The following FOXRED1 variants were observed in gnomAD, a reference collection of about 807,000 sequenced individuals.
The protein encoded by FOXRED1 is FAD-dependent oxidoreductase domain-containing protein 1.
Under a neutral mutation model 57.8 loss-of-function variants are expected in FOXRED1, and 52 were observed. The observed-to-expected ratio is 0.90, with a 90% CI of 0.72 to 1.13. The LOEUF (loss-of-function observed/expected upper bound fraction) is 1.13, where lower values mean the gene tolerates loss of function less well. FOXRED1 is among the 50% of genes most tolerant of loss of function. The pLI is 0.00. For missense variants in FOXRED1, 589 were observed against 625.2 expected, an observed-to-expected ratio of 0.94 and a Z score of 0.62; for synonymous variants, 271 against 248.3, an observed-to-expected ratio of 1.09 and a Z score of -0.86.
intron 1 of FOXRED1, 179 bp downstream of exon 1, chr11:126,269,470 C>A: frequency 8.1e-7 from 1 of 1,231,670 alleles, no homozygotes; most frequent in Non-Finnish European, 1.2e-6. Flanking sequence ...GCTCCCAAGG[C>A]GGCCCTTTTC....
At position 126,275,235 on chromosome 11, in the gene FOXRED1, A is replaced by G; in HGVS notation, c.632-92A>G. On this transcript the variant is annotated intron_variant, in intron 5 of 10. Transcript: ENST00000263578. The surrounding 1 kb of genome is among the most constrained non-coding windows in gnomAD (Gnocchi z 5.9). ...GTTAAGATGACCTTCCCCGGCTTAC[A>G]AGCCCTAGAGAGGGGTTGGGGGGCA... is the stretch of plus-strand genomic sequence containing the variant. 9.8e-7 allele frequency: 1 copy of G among 1,021,512 alleles called. No individual in the cohort carries two copies. The highest frequency in any genetic ancestry group is 2.4e-5 in the East Asian group (1 of 41,988). 63.3% of individuals were successfully genotyped at this position (1,021,512 alleles called of 1,614,324 possible).
rs965691143 is a variant in FOXRED1 at position 126,269,328 on chromosome 11, G to T, written c.85+37G>T. The T allele has an allele frequency of 3.7e-6, 6 of 1,614,008 alleles. No individual in the cohort carries two copies. The African/African-American group carries it at 4.0e-5, about 11-fold the overall frequency. Reference sequence around the variant, plus strand: ...GACGACAGAGGGTATTGTGGTTCTGGGTTGTCCCCAACCTCCGACTGTGTG... The same window carrying T: ...GACGACAGAGGGTATTGTGGTTCTGTGTTGTCCCCAACCTCCGACTGTGTG... On this transcript the variant is annotated intron_variant, in intron 1 of 10. Transcript: ENST00000263578.
Position 126,271,388 on chromosome 11 carries a change from C to T in FOXRED1, c.86-49C>T. ...TGTGCCCATCCTCCAACCCCCCAACCATGTGGGAAGGAAATGTTTGGCCCT... is the reference window on the plus strand; with the variant it reads ...TGTGCCCATCCTCCAACCCCCCAACTATGTGGGAAGGAAATGTTTGGCCCT... On this transcript the variant is annotated intron_variant, in intron 1 of 10. Transcript: ENST00000263578. This position sits in a 1 kb window ranked among gnomAD's most constrained non-coding sequence, Gnocchi z 5.3. The T allele has an allele frequency of 7.2e-7, 1 of 1,391,716 alleles. No individual in the cohort carries two copies. Among genetic ancestry groups the T allele is most frequent in the Non-Finnish European group, 1.0e-6 (1 of 977,380 alleles). The allele number at this position is 1,391,716 out of a possible 1,614,324, so 86.2% of individuals were successfully genotyped here. A position where few individuals can be genotyped will look rare whatever the true frequency, so the allele number is the denominator to read the frequency against.
Position 126,273,642 on chromosome 11 carries a change from A to G in FOXRED1, c.536+188A>G. 3.1e-6 allele frequency: 2 copies of G among 635,580 alleles called. No homozygotes were observed. The highest frequency in any genetic ancestry group is 1.8e-5 in the African/African-American group (1 of 55,604). The allele number at this position is 635,580 out of a possible 1,614,324, so 39.4% of individuals were successfully genotyped here. ...AGTGCTGTACCACAGATATGGACAA[A>G]ACACTGCGAGGTGCTTCCTAATTTG... On this transcript the variant is annotated intron_variant, in intron 4 of 10. Transcript: ENST00000263578. This position sits in a 1 kb window ranked among gnomAD's most constrained non-coding sequence, Gnocchi z 5.9.
Position 126,277,290 on chromosome 11 carries a change from A to G in FOXRED1, c.1206+115A>G. 2 of 1,235,332 alleles carry G rather than the reference A, an allele frequency of 1.6e-6. No individual in the cohort carries two copies. Among genetic ancestry groups the G allele is most frequent in the Non-Finnish European group, 2.4e-6 (2 of 837,540 alleles). The allele number at this position is 1,235,332 out of a possible 1,614,324, so 76.5% of individuals were successfully genotyped here. A position where few individuals can be genotyped will look rare whatever the true frequency, so the allele number is the denominator to read the frequency against. ...ACTGCCGTAGTCCCTCCATGTCACA[A>G]CTGCTAAGGAATTTCTTGGACACAT... On this transcript the variant is annotated intron_variant, in intron 10 of 10. Coordinates refer to ENST00000263578, the MANE Select transcript of FOXRED1 (RefSeq NM_017547.4). The surrounding 1 kb of genome is among the most constrained non-coding windows in gnomAD (Gnocchi z 6.8).
chr11:126,275,454 C>T lies in FOXRED1; in HGVS notation c.733+26C>T. 1 of 1,476,190 alleles carries T rather than the reference C, an allele frequency of 6.8e-7. No individual in the cohort carries two copies. The highest frequency in any genetic ancestry group is 9.5e-7 in the Non-Finnish European group (1 of 1,053,950). 91.4% of individuals were successfully genotyped at this position (1,476,190 alleles called of 1,614,324 possible). A position where few individuals can be genotyped will look rare whatever the true frequency, so the allele number is the denominator to read the frequency against. On this transcript the variant is annotated intron_variant, in intron 6 of 10. Coordinates refer to ENST00000263578, the MANE Select transcript of FOXRED1 (RefSeq NM_017547.4). The surrounding 1 kb of genome is among the most constrained non-coding windows in gnomAD (Gnocchi z 5.9). ...GTGAGTCTGAGCTTGTTTCCTCTAG[C>T]AACCGGGGCATAGGCCTAGACTAGG...
At chr11:126,276,008 G>T (rs1418213134) in intron 7 of FOXRED1, 51 bp from the exon 8 acceptor site, 4 of 1,609,860 alleles carry the variant, frequency 2.5e-6, no homozygotes, top group Non-Finnish European at 3.4e-6. Flanking sequence ...CTCTCAGGGT[G>T]CCTGGTGTGT....
At chr11:126,269,314 G>T (rs1030594324) in intron 1 of FOXRED1, 23 bp downstream of exon 1, 13 of 1,614,026 alleles carry the variant, frequency 8.1e-6, no homozygotes, top group Non-Finnish European at 1.1e-5. Flanking sequence ...ACGACAGAGG[G>T]TATTGTGGTT....
rs535444721 is a variant in FOXRED1 at position 126,271,554 on chromosome 11, T to G, written c.203T>G (p.Ile68Ser). 2 of 1,614,082 alleles carry G rather than the reference T, an allele frequency of 1.2e-6. No individual in the cohort carries two copies. Among genetic ancestry groups the G allele is most frequent in the Middle Eastern group, 3.3e-4 (2 of 6,084 alleles). ...CCTCCCGAGCACTCGGATGTGGTGA[T>G]CGTGGGAGGTGGGGTGCTTGGCTTG... is the stretch of plus-strand genomic sequence containing the variant. ...HLPPEHSDVV[I>S]VGGGVLGLSV... The change falls in exon 2 of 11, where the codon ATC becomes AGC. Residue 68 changes from isoleucine to serine, a missense_variant. Coordinates refer to ENST00000263578, the MANE Select transcript of FOXRED1 (RefSeq NM_017547.4). This position sits in a 1 kb window ranked among gnomAD's most constrained non-coding sequence, Gnocchi z 5.3.
Position 126,271,514 on chromosome 11 carries a change from G to C in FOXRED1, c.163G>C (p.Asp55His). 6.2e-7 allele frequency: 1 copy of C among 1,614,240 alleles called. No homozygotes were observed. The highest frequency in any genetic ancestry group is 8.5e-7 in the Non-Finnish European group (1 of 1,180,038). The change falls in exon 2 of 11, where the codon GAC becomes CAC. Residue 55 changes from aspartate to histidine, a missense_variant. Coordinates refer to ENST00000263578, the MANE Select transcript of FOXRED1 (RefSeq NM_017547.4). This position sits in a 1 kb window ranked among gnomAD's most constrained non-coding sequence, Gnocchi z 5.3. Reference sequence around the variant, plus strand: ...TGGAAGGTCCTGTGATCTACTGCAAGACACCAGCCACCTGCCTCCCGAGCA... The same window carrying C: ...TGGAAGGTCCTGTGATCTACTGCAACACACCAGCCACCTGCCTCCCGAGCA... The part of the protein sequence containing the change: ...LPGRSCDLLQ[D>H]TSHLPPEHSD...
rs200880952 is a variant in FOXRED1, at chr11:126,275,062, A to G, written c.631+41A>G. 1 of 1,335,192 alleles carries G rather than the reference A, an allele frequency of 7.5e-7. No individual in the cohort carries two copies. Among genetic ancestry groups the G allele is most frequent in the East Asian group, 2.3e-5 (1 of 43,614 alleles). 82.7% of individuals were successfully genotyped at this position (1,335,192 alleles called of 1,614,324 possible). On this transcript the variant is annotated intron_variant, in intron 5 of 10. Coordinates refer to ENST00000263578, the MANE Select transcript of FOXRED1 (RefSeq NM_017547.4). This position sits in a 1 kb window ranked among gnomAD's most constrained non-coding sequence, Gnocchi z 5.9. Reference sequence around the variant, plus strand: ...AGAGGGGACAGCTTTTTTCCTGAAGATGGAGACTAAGGGGTGCTACACGTT... The same window carrying G: ...AGAGGGGACAGCTTTTTTCCTGAAGGTGGAGACTAAGGGGTGCTACACGTT...
intron 1 of FOXRED1, chr11:126,269,515 T>C (rs1395837260): frequency 2.5e-5 from 19 of 770,902 alleles, no homozygotes; most frequent in Non-Finnish European, 4.0e-5. Flanking sequence ...CCATTTAAGC[T>C]TACAGTCAGA....
Position 126,273,028 on chromosome 11 carries a change from T to C in FOXRED1, c.366T>C (p.Pro122=), listed in dbSNP as rs1951032169. 1 of 1,608,466 alleles carries C rather than the reference T, an allele frequency of 6.2e-7. No homozygotes were observed. Among genetic ancestry groups the C allele is most frequent in the African/African-American group, 1.3e-5 (1 of 74,954 alleles). The part of the protein sequence containing the change: ...VGGICQQFSL[P]ENIQLSLFSA... The stretch of plus-strand genomic sequence containing the variant: ...GGATTTGTCAGCAGTTCTCATTGCC[T>C]GAGAACATCCAGCTCTCCCTCTTTT... The change falls in exon 3 of 11, where the codon CCT becomes CCC. Residue 122 remains proline, a synonymous_variant. Coordinates refer to ENST00000263578, the MANE Select transcript of FOXRED1 (RefSeq NM_017547.4). This position sits in a 1 kb window ranked among gnomAD's most constrained non-coding sequence, Gnocchi z 5.9.
In FOXRED1 at chr11:126,275,227, C is replaced by T. The variant is rs530749614; in HGVS notation, c.632-100C>T. On this transcript the variant is annotated intron_variant, in intron 5 of 10. Coordinates refer to ENST00000263578, the MANE Select transcript of FOXRED1 (RefSeq NM_017547.4). The surrounding 1 kb of genome is among the most constrained non-coding windows in gnomAD (Gnocchi z 5.9). The stretch of plus-strand genomic sequence containing the variant: ...TTCAGTTGGTTAAGATGACCTTCCC[C>T]GGCTTACAAGCCCTAGAGAGGGGTT... 5.9e-5 allele frequency: 57 copies of T among 974,306 alleles called. No homozygotes were observed. Among genetic ancestry groups the T allele is most frequent in the South Asian group, 3.8e-4 (29 of 76,304 alleles). 60.4% of individuals were successfully genotyped at this position (974,306 alleles called of 1,614,324 possible). A position where few individuals can be genotyped will look rare whatever the true frequency, so the allele number is the denominator to read the frequency against.
rs1951006737 is a variant in FOXRED1, at chr11:126,272,130, T to C, written c.306+473T>C. Among the ~76,000 whole-genome samples, 1 of 151,726 alleles carries C rather than the reference T, an allele frequency of 6.6e-6. No individual in the cohort carries two copies. Among genetic ancestry groups the C allele is most frequent in the Non-Finnish European group, 1.5e-5 (1 of 67,990 alleles). On this transcript the variant is annotated intron_variant, in intron 2 of 10. Coordinates refer to ENST00000263578, the MANE Select transcript of FOXRED1 (RefSeq NM_017547.4). The surrounding 1 kb of genome is among the most constrained non-coding windows in gnomAD (Gnocchi z 4.6). ...GGACACACCCTGATGCCCAGCTATT[T>C]TTTGTATTTTTAGTAGAGATGAGGT...
Position 126,274,600 on chromosome 11 carries a change from A to T in FOXRED1, c.537-327A>T, listed in dbSNP as rs1011617565. The T allele has an allele frequency of 2.9e-6, 1 of 346,728 alleles. No individual in the cohort carries two copies. Among genetic ancestry groups the T allele is most frequent in the African/African-American group, 2.1e-5 (1 of 46,772 alleles). 21.5% of individuals were successfully genotyped at this position (346,728 alleles called of 1,614,324 possible). A position where few individuals can be genotyped will look rare whatever the true frequency, so the allele number is the denominator to read the frequency against. On this transcript the variant is annotated intron_variant, in intron 4 of 10. Coordinates refer to ENST00000263578, the MANE Select transcript of FOXRED1 (RefSeq NM_017547.4). This position sits in a 1 kb window ranked among gnomAD's most constrained non-coding sequence, Gnocchi z 4.8. ...GAGGAGGAGGTTGCAGTGAGCCAAG[A>T]TCGCGCCACTGCACTCCAGCCTGGG...
rs780345055 is a variant in FOXRED1, at chr11:126,273,331, C to T, written c.418-5C>T. On this transcript the variant is annotated splice_region_variant and splice_polypyrimidine_tract_variant and intron_variant, in intron 3 of 10. Coordinates refer to ENST00000263578, the MANE Select transcript of FOXRED1 (RefSeq NM_017547.4). The surrounding 1 kb of genome is among the most constrained non-coding windows in gnomAD (Gnocchi z 5.9). ...TTTCTTTCAGGAGCTTCTGTCTGCA[C>T]ACAGGAGTACCTGGCCGTAGTCGAT... 1.1e-5 allele frequency: 17 copies of T among 1,600,856 alleles called. No individual in the cohort carries two copies. The highest frequency in any genetic ancestry group is 1.5e-5 in the Non-Finnish European group (17 of 1,168,182).
In FOXRED1 at chr11:126,277,627, A is replaced by C. The variant is rs200646430; in HGVS notation, c.1399A>C (p.Ser467Arg). Residue 467 changes from serine to arginine, a missense_variant, in exon 11 of 11, where the codon AGC becomes CGC. Transcript: ENST00000263578. This position sits in a 1 kb window ranked among gnomAD's most constrained non-coding sequence, Gnocchi z 6.8. The stretch of plus-strand genomic sequence containing the variant: ...GGGCAGGTTCCAGACCATCGACCTG[A>C]GCCCCTTCCTCTTTACCCGCTTTTA... The part of the protein sequence containing the change: ...LKGRFQTIDL[S>R]PFLFTRFYLG... 6.2e-7 allele frequency: 1 copy of C among 1,613,740 alleles called. No individual in the cohort carries two copies. Among genetic ancestry groups the C allele is most frequent in the African/African-American group, 1.3e-5 (1 of 75,034 alleles).
intron 9 of FOXRED1, 188 bp from the exon 10 acceptor site, chr11:126,276,876 CAAAAAAA>C (rs202024738): frequency 1.0e-5 from 5 of 477,132 alleles, no homozygotes; most frequent in South Asian, 4.2e-5. Context: ...AACTCCATCT[CAAAAAAA>C]AAAAAAAGAA....
Sources: gnomAD v4.1 joint callset for allele counts (sites outside exome capture counted in the v4.1 genomes callset) on GRCh38, gnomAD v4.1.1 for gene constraint, Gnocchi (gnomAD v3.1) non-coding constraint, MANE v1.5 for transcripts, NCBI Gene and HGNC (gene_info 2026-07-23, HGNC 2026-07-21) for gene names.